Variants in PLCB4 observed in about 807,000 individuals in gnomAD.
The protein encoded by PLCB4 is 1-phosphatidylinositol 4,5-bisphosphate phosphodiesterase beta-4.
In PLCB4, 77 loss-of-function variants were observed where a neutral mutation model predicts 178.8. The ratio of observed to expected loss-of-function variants is 0.43; its 90% confidence interval spans 0.36 to 0.52. PLCB4 has a LOEUF of 0.52. Among genes scored for constraint, PLCB4 ranks in the 20% least tolerant of loss-of-function variants. The pLI, the probability that PLCB4 is intolerant of heterozygous loss-of-function variation, is 0.00. For synonymous variants in PLCB4, 496 were observed against 490.8 expected, an observed-to-expected ratio of 1.01 and a Z score of -0.14; for missense variants, 1,024 against 1,453.4, an observed-to-expected ratio of 0.70 and a Z score of 4.80.
intron 3 of PLCB4, among the ~76,000 whole-genome samples, chr20:9,229,617 T>C (rs1393989153): frequency 7.0e-6 from 1 of 143,406 alleles, no homozygotes; most frequent in Non-Finnish European, 1.6e-5. Context: ...GGTGAACTTA[T>C]TTTTTTTTTA....
intron 39 of PLCB4, 61 bp from the exon 40 acceptor site, chr20:9,478,860 T>C: frequency 2.5e-6 from 3 of 1,214,482 alleles, no homozygotes; most frequent in Non-Finnish European, 2.5e-6. Flanking sequence ...GAGGCCAGGG[T>C]TGTTAAGTGC....
At chr20:9,364,246 C>A (rs892493516) in intron 8 of PLCB4, among the ~76,000 whole-genome samples, 45 of 152,120 alleles carry the variant, frequency 3.0e-4, no homozygotes, top group African/African-American at 1.1e-3. Flanking sequence ...CACTGATAGT[C>A]CTAAAGGGTC....
At chr20:9,335,650 A>G (rs2032346077) in intron 4 of PLCB4, among the ~76,000 whole-genome samples, 1 of 152,200 alleles carries the variant, frequency 6.6e-6, no homozygotes, top group Non-Finnish European at 1.5e-5. Flanking sequence ...AATTCCAGCA[A>G]TAAACCCAAA....
At position 9,479,041 on chromosome 20, in the gene PLCB4, ACT is replaced by A. The variant is rs764189746; in HGVS notation, c.*34_*35del. The A allele has an allele frequency of 3.8e-5, 55 of 1,465,712 alleles. No homozygotes were observed. Among genetic ancestry groups the A allele is most frequent in the Non-Finnish European group, 4.8e-5 (50 of 1,046,980 alleles). The allele number at this position is 1,465,712 out of a possible 1,614,324, so 90.8% of individuals were successfully genotyped here. On this transcript the variant is annotated 3_prime_UTR_variant, in exon 40 of 40. Transcript: ENST00000378473. ...AAACCCACAAAGCATCAAAAGACTC[ACT>A]CACAAACTTCTGAACACAAACTCCA...
intron 11 of PLCB4, among the ~76,000 whole-genome samples, 187 bp downstream of exon 11, chr20:9,372,590 C>T (rs1323531326): frequency 2.0e-5 from 3 of 151,934 alleles, no homozygotes; most frequent in African/African-American, 4.8e-5. Context: ...GAAACTTTTA[C>T]GTATATTAAT....
intron 34 of PLCB4, among the ~76,000 whole-genome samples, chr20:9,458,246 T>C (rs2043177603): frequency 6.6e-6 from 1 of 152,210 alleles, no homozygotes; most frequent in African/African-American, 2.4e-5. Context: ...ATGTTCAAGA[T>C]GTTCTTGGTA....
At chr20:9,251,800 A>G (rs989549548) in intron 3 of PLCB4, among the ~76,000 whole-genome samples, 1 of 152,224 alleles carries the variant, frequency 6.6e-6, no homozygotes, top group Non-Finnish European at 1.5e-5. Flanking sequence ...TGCTAGCCAC[A>G]TACATAATTT....
intron 19 of PLCB4, among the ~76,000 whole-genome samples, chr20:9,400,463 TA>T (rs2038939641): frequency 1.3e-5 from 2 of 152,230 alleles, no homozygotes; most frequent in African/African-American, 4.8e-5. Flanking sequence ...TTTGTACTTT[TA>T]AACATGCTTT....
At chr20:9,322,906 CA>C (rs1412052403) in intron 4 of PLCB4, among the ~76,000 whole-genome samples, 1 of 152,172 alleles carries the variant, frequency 6.6e-6, no homozygotes, top group Non-Finnish European at 1.5e-5. Flanking sequence ...TCAGTCTTAA[CA>C]CCCACCAAGC....
chr20:9,111,196 C>T (rs562080988), intron 2 of PLCB4, among the ~76,000 whole-genome samples: 19 of 152,260 alleles, frequency 1.2e-4, no homozygotes, highest in African/African-American at 4.3e-4. Flanking sequence ...TGGGAAGGTA[C>T]ATTGGGCAAA....
At chr20:9,192,952 A>T (rs2093424628) in intron 2 of PLCB4, among the ~76,000 whole-genome samples, 1 of 152,172 alleles carries the variant, frequency 6.6e-6, no homozygotes, top group Admixed American at 6.5e-5. Flanking sequence ...GGCCCCTCTC[A>T]GAATCTATGT....
chr20:9,477,587 T>C lies in PLCB4; in HGVS notation c.3532+834T>C, dbSNP rs543996356. Among the ~76,000 whole-genome samples the C allele has an allele frequency of 2.0e-5, 3 of 152,088 alleles. No individual in the cohort carries two copies. The South Asian group carries it at 6.2e-4, about 32-fold the overall frequency. Reference sequence around the variant, plus strand: ...TGTCATCCCTTTTGAATACTGTTTGTGTCATAGTTTCATGTTTGTATATTT... The same window carrying C: ...TGTCATCCCTTTTGAATACTGTTTGCGTCATAGTTTCATGTTTGTATATTT... On this transcript the variant is annotated intron_variant, in intron 39 of 39. Coordinates refer to ENST00000378473, the MANE Select transcript of PLCB4 (RefSeq NM_001377142.1).
At chr20:9,247,719 GAA>G (rs544239079) in intron 3 of PLCB4, among the ~76,000 whole-genome samples, 61 of 152,246 alleles carry the variant, frequency 4.0e-4, no homozygotes, top group Non-Finnish European at 7.9e-4. Flanking sequence ...ACAAAGTGCA[GAA>G]TAGAGCAATT....
At chr20:9,299,798 A>G (rs1013719587) in intron 3 of PLCB4, among the ~76,000 whole-genome samples, 6 of 151,986 alleles carry the variant, frequency 3.9e-5, no homozygotes, top group African/African-American at 1.4e-4. Flanking sequence ...CATAGGATAA[A>G]TCCTACTTGT....
At chr20:9,231,404 A>G (rs2093930496) in intron 3 of PLCB4, among the ~76,000 whole-genome samples, 1 of 152,078 alleles carries the variant, frequency 6.6e-6, no homozygotes, top group Non-Finnish European at 1.5e-5. Context: ...AACACCTTAT[A>G]CAGGAGATTA....
intron 1 of PLCB4, among the ~76,000 whole-genome samples, chr20:9,080,888 G>A (rs546474685): frequency 3.9e-5 from 6 of 152,138 alleles, no homozygotes; most frequent in Admixed American, 6.5e-5. Context: ...GTCTCCTTCC[G>A]GTTTCTAAAT....
intron 2 of PLCB4, among the ~76,000 whole-genome samples, chr20:9,101,868 G>A (rs886175242): frequency 2.1e-5 from 3 of 145,642 alleles, no homozygotes; most frequent in African/African-American, 7.6e-5. Flanking sequence ...TTTTTGAGAT[G>A]GAGTTTTGCT....
chr20:9,397,764 C>G (rs907782237), intron 19 of PLCB4, among the ~76,000 whole-genome samples: 3 of 152,166 alleles, frequency 2.0e-5, no homozygotes, highest in Non-Finnish European at 4.4e-5. Flanking sequence ...ATATCTGATA[C>G]TACTCAGTTG....
chr20:9,413,770 T>G (rs1287153698), intron 25 of PLCB4, among the ~76,000 whole-genome samples: 1 of 152,166 alleles, frequency 6.6e-6, no homozygotes, highest in Non-Finnish European at 1.5e-5. Context: ...CCGTTATTTA[T>G]TTTTTCTTAA....
Sources: gnomAD v4.1 joint callset for allele counts (sites outside exome capture counted in the v4.1 genomes callset) on GRCh38, gnomAD v4.1.1 for gene constraint, MANE v1.5 for transcripts, NCBI Gene and HGNC (gene_info 2026-07-23, HGNC 2026-07-21) for gene names.